Variants in WDR88 observed in about 807,000 individuals in gnomAD.
WDR88 encodes the protein WD repeat domain 88.
In WDR88, 40 loss-of-function variants were observed where a neutral mutation model predicts 46.8. The ratio of observed to expected loss-of-function variants is 0.86; its 90% CI spans 0.66 to 1.11. The LOEUF (loss-of-function observed/expected upper bound fraction) is 1.11, where lower values mean the gene tolerates loss of function less well. Among genes scored for constraint, WDR88 ranks in the 50% most tolerant of loss-of-function variants. The pLI is 0.00. For missense variants in WDR88, 562 were observed against 602.4 expected (o/e 0.93, Z 0.70); for synonymous variants, 235 against 240.7 (o/e 0.98, Z 0.22).
Position 33,147,712 on chromosome 19 carries a change from C to T in WDR88, c.540+4C>T, listed in dbSNP as rs777657907. On this transcript the variant is annotated splice_donor_region_variant and intron_variant, in intron 4 of 10. Coordinates refer to ENST00000355868, the MANE Select transcript of WDR88 (RefSeq NM_173479.4). Reference sequence around the variant, plus strand: ...CCTGGAGACAGGCAAGCTGCTGGTACGTATGCCTGTCCAGTGGGGGCGTTG... The same window carrying T: ...CCTGGAGACAGGCAAGCTGCTGGTATGTATGCCTGTCCAGTGGGGGCGTTG... The T allele has an allele frequency of 2.1e-5, 34 of 1,613,444 alleles. 1 individual carries two copies. The highest frequency in any genetic ancestry group is 2.1e-4 in the South Asian group (19 of 91,040).
At chr19:33,154,638 C>T (rs1191334381) in intron 6 of WDR88, among the ~76,000 whole-genome samples, 1 of 152,166 alleles carries the variant, frequency 6.6e-6, no homozygotes, top group Non-Finnish European at 1.5e-5. Context: ...GAAGTCTTTG[C>T]TATTGTGAAT....
intron 6 of WDR88, among the ~76,000 whole-genome samples, chr19:33,155,836 TG>T (rs1973723945): frequency 6.6e-6 from 1 of 152,220 alleles, no homozygotes; most frequent in Non-Finnish European, 1.5e-5. Flanking sequence ...TGGGGGTTCC[TG>T]GCATCTAGCC....
At chr19:33,139,358 G>A (rs1173876875) in intron 2 of WDR88, among the ~76,000 whole-genome samples, 1 of 152,254 alleles carries the variant, frequency 6.6e-6, no homozygotes, top group East Asian at 1.9e-4. Flanking sequence ...GCTGGGGGAA[G>A]GCAGTGGCCA....
intron 10 of WDR88, 43 bp downstream of exon 10, chr19:33,172,483 G>A (rs1462732840): frequency 6.8e-7 from 1 of 1,477,602 alleles, no homozygotes. Context: ...GCTTTCGTTA[G>A]TTCCCTCTAT....
intron 10 of WDR88, among the ~76,000 whole-genome samples, chr19:33,173,762 T>G (rs8101550): frequency 0.53 from 80,076 of 152,194 alleles, 25,648 homozygotes; most frequent in African/African-American, 0.88. Context: ...CCTGGGAGCC[T>G]CCTCCTCTGT....
chr19:33,155,522 G>A (rs1973717244), intron 6 of WDR88, among the ~76,000 whole-genome samples: 1 of 152,134 alleles, frequency 6.6e-6, no homozygotes, highest in Non-Finnish European at 1.5e-5. Flanking sequence ...GGATAGGAGT[G>A]AGAAAAAGGG....
At chr19:33,134,783 C>T (rs1332349639) in intron 1 of WDR88, among the ~76,000 whole-genome samples, 1 of 151,904 alleles carries the variant, frequency 6.6e-6, no homozygotes, top group Non-Finnish European at 1.5e-5. Context: ...TGTCCCCGAG[C>T]CCCCTAGAGG....
chr19:33,158,989 C>T (rs892286210), intron 7 of WDR88, among the ~76,000 whole-genome samples: 1 of 152,002 alleles, frequency 6.6e-6, no homozygotes, highest in Admixed American at 6.6e-5. Flanking sequence ...CGTGAGCCAC[C>T]ACACCTGGGC....
chr19:33,149,734 C>T (rs1555725261), intron 5 of WDR88, among the ~76,000 whole-genome samples: 1 of 151,842 alleles, frequency 6.6e-6, no homozygotes, highest in Non-Finnish European at 1.5e-5. Context: ...TCTCGGGTCA[C>T]CTCAACCTCC....
At chr19:33,175,353 G>T in intron 10 of WDR88, 43 bp from the exon 11 acceptor site, 2 of 1,601,274 alleles carry the variant, frequency 1.2e-6, no homozygotes, top group South Asian at 2.2e-5. Flanking sequence ...GATCACCTCT[G>T]ACCAGCACCT....
In WDR88 at chr19:33,160,556, T is replaced by C. The variant is rs937124923; in HGVS notation, c.1080+60T>C. ...CTTCCCTCCCGAGTCCTTCCTGTGC[T>C]CAATGCTGGTTGCTGGGGACACAGC... On this transcript the variant is annotated intron_variant, in intron 8 of 10. Transcript: ENST00000355868. The C allele has an allele frequency of 7.0e-6, 11 of 1,565,940 alleles. No homozygotes were observed. In the African/African-American group the frequency reaches 1.5e-4, roughly 21 times the overall value.
At position 33,175,429 on chromosome 19, in the gene WDR88, AAG is replaced by A. The variant is rs1415567692; in HGVS notation, c.1279_1280del (p.Ser427Ter). ...ERCDRPFSIF[K>X]SDTSSEMFTQ... ...ATGTGACAGGCCTTTCTCCATCTTC[AAG>A]AGTGACACCTCTTCTGAAATGTTCA... is the stretch of plus-strand genomic sequence containing the variant. On this transcript the variant is annotated frameshift_variant, in exon 11 of 11. Transcript: ENST00000355868. LOFTEE classifies it low-confidence loss of function (END_TRUNC). 4.3e-6 allele frequency: 7 copies of A among 1,614,160 alleles called. No individual in the cohort carries two copies. Among genetic ancestry groups the A allele is most frequent in the Non-Finnish European group, 5.9e-6 (7 of 1,180,034 alleles).
intron 10 of WDR88, chr19:33,174,112 A>T: frequency 2.0e-6 from 3 of 1,514,228 alleles, no homozygotes; most frequent in South Asian, 1.2e-5. Context: ...TCAGCCTCCC[A>T]AAGTGCTGGG....
At chr19:33,166,959 T>G (rs2145419072) in intron 9 of WDR88, among the ~76,000 whole-genome samples, 1 of 152,220 alleles carries the variant, frequency 6.6e-6, no homozygotes, top group East Asian at 1.9e-4. Context: ...TATATATTCT[T>G]AAGATATATA....
At chr19:33,148,385 T>C (rs1973562820) in intron 4 of WDR88, among the ~76,000 whole-genome samples, 2 of 152,292 alleles carry the variant, frequency 1.3e-5, no homozygotes, top group African/African-American at 2.4e-5. Context: ...TTTGTATTCA[T>C]TGTAAACATT....
intron 8 of WDR88, 38 bp from the exon 9 acceptor site, chr19:33,164,159 T>A (rs762358711): frequency 1.3e-6 from 2 of 1,589,890 alleles, no homozygotes; most frequent in South Asian, 2.2e-5. Context: ...TCAAAATTAT[T>A]TTCTCCACGT....
chr19:33,171,049 G>A (rs769028767), intron 9 of WDR88, among the ~76,000 whole-genome samples: 8 of 152,016 alleles, frequency 5.3e-5, no homozygotes, highest in African/African-American at 1.4e-4. Context: ...GCAATGGTGC[G>A]ATCTCGGCTT....
chr19:33,166,555 C>T (rs1599915176), intron 9 of WDR88, among the ~76,000 whole-genome samples: 1 of 151,664 alleles, frequency 6.6e-6, no homozygotes, highest in East Asian at 1.9e-4. Context: ...TGTGATCATG[C>T]CATTATACTC....
At chr19:33,172,736 GGACT>G (rs917322222) in intron 10 of WDR88, among the ~76,000 whole-genome samples, 5 of 152,090 alleles carry the variant, frequency 3.3e-5, no homozygotes, top group Admixed American at 2.6e-4. Context: ...GTCTCATTGA[GGACT>G]GACAGCTGTG....
Sources: allele counts gnomAD v4.1 joint callset (sites outside exome capture counted in the v4.1 genomes callset), GRCh38; gene constraint gnomAD v4.1.1; transcripts MANE v1.5; gene names NCBI Gene and HGNC (gene_info 2026-07-23, HGNC 2026-07-21).